The following HS6ST3 variants were observed in gnomAD, a reference collection of about 807,000 sequenced individuals.
The protein encoded by HS6ST3 is heparan-sulfate 6-O-sulfotransferase 3.
A neutral mutation model predicts 36.7 loss-of-function variants in HS6ST3; 12 were observed. The ratio of observed to expected loss-of-function variants is 0.33; its 90% confidence interval spans 0.21 to 0.53. HS6ST3 has a LOEUF of 0.53. Among genes scored for constraint, HS6ST3 ranks in the 20% least tolerant of loss-of-function variants. HS6ST3 has a pLI of 0.95. For missense variants in HS6ST3, 584 were observed against 640.9 expected, an observed-to-expected ratio of 0.91 and a Z score of 0.96; for synonymous variants, 240 against 257.5, an observed-to-expected ratio of 0.93 and a Z score of 0.65.
intron 1 of HS6ST3, among the ~76,000 whole-genome samples, chr13:96,493,782 G>C (rs1032288553): frequency 6.6e-6 from 1 of 152,116 alleles, no homozygotes; most frequent in Non-Finnish European, 1.5e-5. Context: ...ACATGCTGGA[G>C]ATCAGAGTAG....
chr13:96,440,697 T>C (rs1053675478), intron 1 of HS6ST3, among the ~76,000 whole-genome samples: 1 of 151,992 alleles, frequency 6.6e-6, no homozygotes. Context: ...TTTTGGATGA[T>C]ATAAAATGGA....
At chr13:96,157,617 T>C (rs192461897) in intron 1 of HS6ST3, among the ~76,000 whole-genome samples, 22 of 152,318 alleles carry the variant, frequency 1.4e-4, no homozygotes, top group Non-Finnish European at 7.3e-5. Context: ...AGAGAAACTC[T>C]TTTATTTGTT....
chr13:96,735,138 T>A (rs1201474556), intron 1 of HS6ST3, among the ~76,000 whole-genome samples: 1 of 152,046 alleles, frequency 6.6e-6, no homozygotes, highest in African/African-American at 2.4e-5. Context: ...CTCAGCTGAG[T>A]GCATTAACCA....
intron 1 of HS6ST3, among the ~76,000 whole-genome samples, chr13:96,392,066 G>A (rs1021347328): frequency 1.3e-5 from 2 of 152,168 alleles, no homozygotes; most frequent in African/African-American, 4.8e-5. Context: ...TGTAGCAGCT[G>A]CTTTTCCAAC....
chr13:96,255,572 G>T (rs935423901), intron 1 of HS6ST3, among the ~76,000 whole-genome samples: 1 of 152,112 alleles, frequency 6.6e-6, no homozygotes, highest in Non-Finnish European at 1.5e-5. Context: ...GAAGATAGAA[G>T]ATATGTATTT....
chr13:96,473,189 T>C (rs1449243229), intron 1 of HS6ST3, among the ~76,000 whole-genome samples: 1 of 152,162 alleles, frequency 6.6e-6, no homozygotes, highest in African/African-American at 2.4e-5. Context: ...GACTGATATG[T>C]AGTTAAAGGC....
chr13:96,421,058 C>A (rs1237048666), intron 1 of HS6ST3, among the ~76,000 whole-genome samples: 1 of 152,132 alleles, frequency 6.6e-6, no homozygotes, highest in Non-Finnish European at 1.5e-5. Context: ...CAATATGAGA[C>A]CCCAGTTATG....
At chr13:96,125,863 C>CTGGT (rs1051617909) in intron 1 of HS6ST3, among the ~76,000 whole-genome samples, 1 of 151,738 alleles carries the variant, frequency 6.6e-6, no homozygotes, top group African/African-American at 2.4e-5. Context: ...ATGTGCCATG[C>CTGGT]TGGTGTGCTG....
intron 1 of HS6ST3, among the ~76,000 whole-genome samples, chr13:96,445,187 A>G (rs2055692237): frequency 6.6e-6 from 1 of 152,190 alleles, no homozygotes; most frequent in African/African-American, 2.4e-5. Flanking sequence ...TCTTCAGTGT[A>G]ATTTTGTGCT....
intron 1 of HS6ST3, among the ~76,000 whole-genome samples, chr13:96,175,359 T>C (rs1442767781): frequency 1.6e-5 from 1 of 61,332 alleles, no homozygotes; most frequent in Non-Finnish European, 5.7e-5. Context: ...TTTGTAACAG[T>C]TTTTTTTTTC....
intron 1 of HS6ST3, among the ~76,000 whole-genome samples, chr13:96,364,553 T>C (rs983015493): frequency 6.6e-6 from 1 of 151,560 alleles, no homozygotes; most frequent in Non-Finnish European, 1.5e-5. Flanking sequence ...GTACTTAGAG[T>C]AGTCAAGTTC....
At chr13:96,395,433 C>G (rs1476379837) in intron 1 of HS6ST3, among the ~76,000 whole-genome samples, 1 of 152,174 alleles carries the variant, frequency 6.6e-6, no homozygotes, top group Admixed American at 6.5e-5. Context: ...TTTCTTCCCC[C>G]ACCTCTGCTG....
At chr13:96,810,095 G>A (rs1878284838) in intron 1 of HS6ST3, among the ~76,000 whole-genome samples, 1 of 152,188 alleles carries the variant, frequency 6.6e-6, no homozygotes, top group Non-Finnish European at 1.5e-5. Context: ...CTGAAGCCAG[G>A]TAAAAAGTGA....
At chr13:96,337,720 A>C (rs1023278539) in intron 1 of HS6ST3, among the ~76,000 whole-genome samples, 3 of 152,120 alleles carry the variant, frequency 2.0e-5, no homozygotes, top group Non-Finnish European at 2.9e-5. Flanking sequence ...TGAACCATTA[A>C]AAGAAAATAT....
chr13:96,619,829 C>A (rs1050301634), intron 1 of HS6ST3, among the ~76,000 whole-genome samples: 2 of 152,166 alleles, frequency 1.3e-5, no homozygotes, highest in African/African-American at 4.8e-5. Flanking sequence ...CTTACAGCTT[C>A]CTTTTTGGGT....
At chr13:96,260,526 G>T (rs1037503664) in intron 1 of HS6ST3, among the ~76,000 whole-genome samples, 1 of 151,904 alleles carries the variant, frequency 6.6e-6, no homozygotes, top group Admixed American at 6.6e-5. Flanking sequence ...TGTTAGCCAG[G>T]ATAGTCTCGA....
chr13:96,185,675 A>C (rs1181512748), intron 1 of HS6ST3, among the ~76,000 whole-genome samples: 1 of 152,242 alleles, frequency 6.6e-6, no homozygotes, highest in Non-Finnish European at 1.5e-5. Flanking sequence ...CTGATATACC[A>C]AAACACACAA....
intron 1 of HS6ST3, among the ~76,000 whole-genome samples, chr13:96,485,069 G>T (rs2055907495): frequency 6.6e-6 from 1 of 151,942 alleles, no homozygotes; most frequent in Non-Finnish European, 1.5e-5. Flanking sequence ...TTTGATCTGG[G>T]TCTTTTTCTT....
intron 1 of HS6ST3, among the ~76,000 whole-genome samples, chr13:96,382,930 T>C (rs2055348544): frequency 6.6e-6 from 1 of 152,188 alleles, no homozygotes; most frequent in South Asian, 2.1e-4. Flanking sequence ...AGAGAAAAAA[T>C]ACATGCACAT....
Sources: gnomAD v4.1 joint callset for allele counts (sites outside exome capture counted in the v4.1 genomes callset) on GRCh38, gnomAD v4.1.1 for gene constraint, MANE v1.5 for transcripts, NCBI Gene and HGNC (gene_info 2026-07-23, HGNC 2026-07-21) for gene names.